Variants in ATP5MC2 observed in about 807,000 individuals in gnomAD.
The protein encoded by ATP5MC2 is ATP synthase F(0) complex subunit C2, mitochondrial.
Under a neutral mutation model 13.5 loss-of-function variants are expected in ATP5MC2, and 11 were observed. The observed-to-expected ratio is 0.81, with a 90% CI of 0.51 to 1.35. The LOEUF is 1.35. ATP5MC2 is among the 40% of genes most tolerant of loss of function. The pLI is 0.00. For missense variants in ATP5MC2, 132 were observed against 175.0 expected, an observed-to-expected ratio of 0.75 and a Z score of 1.39; for synonymous variants, 64 against 69.7, an observed-to-expected ratio of 0.92 and a Z score of 0.41.
intron 2 of ATP5MC2, among the ~76,000 whole-genome samples, chr12:53,671,011 T>C (rs576038096): frequency 7.3e-5 from 11 of 150,812 alleles, no homozygotes; most frequent in Non-Finnish European, 1.3e-4. Context: ...GGGGGCCTTC[T>C]GTATGGGTAA....
chr12:53,670,172 A>G (rs970784956), intron 2 of ATP5MC2: 14 of 574,938 alleles, frequency 2.4e-5, no homozygotes, highest in Non-Finnish European at 3.9e-5. Flanking sequence ...TAAGGAAAGA[A>G]AGTCTACTTC....
chr12:53,668,153 T>C (rs1479339415), intron 4 of ATP5MC2, among the ~76,000 whole-genome samples: 4 of 150,686 alleles, frequency 2.7e-5, no homozygotes, highest in Non-Finnish European at 5.9e-5. Context: ...AACGCCTGGC[T>C]AATTTTTGTA....
At chr12:53,670,075 G>GT (rs141952979) in intron 2 of ATP5MC2, 127 bp from the exon 3 acceptor site, 8,070 of 791,330 alleles carry the variant, frequency 0.01, 244 homozygotes, top group African/African-American at 0.074. Context: ...ATCTTCACAT[G>GT]TACGTTAGAG....
upstream of ATP5MC2, chr12:53,676,976 T>C (rs1945293326): frequency 6.6e-6 from 1 of 152,332 alleles, no homozygotes; most frequent in African/African-American, 2.4e-5. Flanking sequence ...TGCCCTGCCC[T>C]TTGGAACAGG....
In ATP5MC2 at chr12:53,676,080, G is replaced by C. The variant is rs779949065; in HGVS notation, c.-59C>G. The C allele has an allele frequency of 4.3e-6, 7 of 1,614,238 alleles. No homozygotes were observed. The highest frequency in any genetic ancestry group is 2.7e-5 in the African/African-American group (2 of 75,076). ...GCTCCCACTGCAGAGAAGACAGAGAGGGGCGGAGCAGCGGGAAGAGCGAAA... is the reference window on the plus strand; with the variant it reads ...GCTCCCACTGCAGAGAAGACAGAGACGGGCGGAGCAGCGGGAAGAGCGAAA... On this transcript the variant is annotated 5_prime_UTR_variant, in exon 1 of 5. Coordinates refer to ENST00000394349, the MANE Select transcript of ATP5MC2 (RefSeq NM_005176.7).
upstream of ATP5MC2, among the ~76,000 whole-genome samples, chr12:53,678,501 A>C (rs117169795): frequency 6.6e-6 from 1 of 152,206 alleles, no homozygotes; most frequent in Non-Finnish European, 1.5e-5. Context: ...ACTCAACTAC[A>C]CTTTAAAAAC....
chr12:53,676,027 G>A, intron 1 of ATP5MC2, 26 bp downstream of exon 1: 1 of 1,609,038 alleles, frequency 6.2e-7, no homozygotes. Context: ...GCAGCGCACA[G>A]AGGGCTCTAG....
intron 4 of ATP5MC2, among the ~76,000 whole-genome samples, chr12:53,667,774 C>T (rs542544171): frequency 3.2e-4 from 48 of 151,618 alleles, no homozygotes; most frequent in Non-Finnish European, 5.0e-4. Flanking sequence ...GGATTATAGG[C>T]GTAAGGCACC....
upstream of ATP5MC2, chr12:53,676,312 G>A (rs1003320067): frequency 6.9e-7 from 1 of 1,447,346 alleles, no homozygotes; most frequent in South Asian, 1.3e-5. Flanking sequence ...GGAGTAAGCC[G>A]ATCCGTAACG....
intron 2 of ATP5MC2, 134 bp downstream of exon 2, chr12:53,672,442 G>A: frequency 1.0e-6 from 1 of 956,782 alleles, no homozygotes; most frequent in Admixed American, 2.1e-5. Context: ...GGCTGGTTTT[G>A]AACTCCTGGC....
chr12:53,672,291 G>A (rs555264193), intron 2 of ATP5MC2, among the ~76,000 whole-genome samples: 2 of 151,968 alleles, frequency 1.3e-5, no homozygotes, highest in Admixed American at 6.6e-5. Context: ...GTGCGATCTT[G>A]GCTCACTGCA....
intron 4 of ATP5MC2, among the ~76,000 whole-genome samples, chr12:53,666,375 A>G (rs1944914513): frequency 6.6e-6 from 1 of 152,124 alleles, no homozygotes; most frequent in African/African-American, 2.4e-5. Context: ...CAGGAAATCG[A>G]GACCATCCTA....
intron 2 of ATP5MC2, among the ~76,000 whole-genome samples, chr12:53,671,239 A>G (rs1945087266): frequency 6.6e-6 from 1 of 152,252 alleles, no homozygotes; most frequent in African/African-American, 2.4e-5. Flanking sequence ...TCAGCAGTGT[A>G]TTCTCAGGAT....
intron 3 of ATP5MC2, 120 bp downstream of exon 3, chr12:53,669,751 G>A: frequency 9.5e-7 from 1 of 1,053,122 alleles, no homozygotes; most frequent in Non-Finnish European, 1.4e-6. Context: ...CCATGGCCTT[G>A]GCCATTCATG....
chr12:53,669,346 G>A lies in ATP5MC2; in HGVS notation c.118-5C>T. ...GACTGCCAAGCTGCTGAGGCTCTGTGAAAAAGAGGCAGGTAGAAGGTAAAG... is the reference window on the plus strand; with the variant it reads ...GACTGCCAAGCTGCTGAGGCTCTGTAAAAAAGAGGCAGGTAGAAGGTAAAG... On this transcript the variant is annotated splice_region_variant and splice_polypyrimidine_tract_variant and intron_variant, in intron 3 of 4. Coordinates refer to ENST00000394349, the MANE Select transcript of ATP5MC2 (RefSeq NM_005176.7). 6.2e-7 allele frequency: 1 copy of A among 1,607,188 alleles called. No homozygotes were observed. The highest frequency in any genetic ancestry group is 1.1e-5 in the South Asian group (1 of 90,278).
At chr12:53,669,463 C>T in intron 3 of ATP5MC2, 122 bp from the exon 4 acceptor site, 1 of 1,437,766 alleles carries the variant, frequency 7.0e-7, no homozygotes, top group East Asian at 2.5e-5. Context: ...GTTTAACGCC[C>T]TAAAATGCTG....
intron 2 of ATP5MC2, among the ~76,000 whole-genome samples, chr12:53,671,962 C>G (rs572259794): frequency 1.3e-5 from 2 of 151,586 alleles, no homozygotes; most frequent in East Asian, 3.9e-4. Flanking sequence ...GGTATGGTGG[C>G]AGGTGCCTGT....
At chr12:53,676,315 C>A, upstream of ATP5MC2, 1 of 1,446,096 alleles carries the variant, frequency 6.9e-7, no homozygotes, top group East Asian at 2.3e-5. Context: ...GTAAGCCGAT[C>A]CGTAACGTGG....
upstream of ATP5MC2, chr12:53,676,097 A>G (rs1239826971): frequency 6.2e-7 from 1 of 1,614,254 alleles, no homozygotes; most frequent in South Asian, 1.1e-5. Flanking sequence ...AGCAGCGGGA[A>G]GAGCGAAAGG....
Sources: allele counts gnomAD v4.1 joint callset (sites outside exome capture counted in the v4.1 genomes callset), GRCh38; gene constraint gnomAD v4.1.1; transcripts MANE v1.5; gene names NCBI Gene and HGNC (gene_info 2026-07-23, HGNC 2026-07-21).